SLC71A1: variants seen among roughly 807,000 people sequenced by gnomAD.
SLC71A1 encodes solute carrier family 71 member 1.
the SLC71A1 span, among the ~76,000 whole-genome samples, chr1:100,038,597 G>C: frequency 6.6e-6 from 1 of 151,998 alleles, no homozygotes; most frequent in African/African-American, 2.4e-5. Flanking sequence ...CGAACCCCAC[G>C]TGCGCCTCCG....
the SLC71A1 span, chr1:100,059,934 C>T: frequency 6.2e-7 from 1 of 1,613,038 alleles, no homozygotes; most frequent in Non-Finnish European, 8.5e-7. Context: ...ATGTTTGGGG[C>T]CGAAAATCCT....
the SLC71A1 span, among the ~76,000 whole-genome samples, chr1:100,066,911 C>A: frequency 2.0e-5 from 3 of 151,386 alleles, no homozygotes; most frequent in Non-Finnish European, 4.4e-5. Context: ...ATGGCGTAAA[C>A]CCCGGGGGCG....
the SLC71A1 span, among the ~76,000 whole-genome samples, chr1:100,052,768 C>CTT: frequency 4.8e-5 from 7 of 144,996 alleles, no homozygotes; most frequent in African/African-American, 1.3e-4. Context: ...TTTTCTTTTT[C>CTT]TTTTTTTTTT....
At chr1:100,057,937 TA>T in the SLC71A1 span, 2 of 152,224 alleles carry the variant, frequency 1.3e-5, no homozygotes, top group African/African-American at 2.4e-5. Flanking sequence ...GCCTCATATG[TA>T]AAGTGATAAT....
At chr1:100,038,998 A>G in the SLC71A1 span, among the ~76,000 whole-genome samples, 1 of 152,252 alleles carries the variant, frequency 6.6e-6, no homozygotes, top group East Asian at 1.9e-4. Flanking sequence ...GATCAAAAGT[A>G]TTAGAATCAG....
At chr1:100,058,441 G>A in the SLC71A1 span, among the ~76,000 whole-genome samples, 94 of 152,126 alleles carry the variant, frequency 6.2e-4, 1 homozygote, top group East Asian at 0.017. Context: ...CTGTTATGAG[G>A]GATTAAATGA....
the SLC71A1 span, among the ~76,000 whole-genome samples, chr1:100,052,742 T>C: frequency 1.3e-5 from 2 of 151,562 alleles, no homozygotes; most frequent in Non-Finnish European, 2.9e-5. Context: ...TATATTCTTA[T>C]TATCTTTAAT....
chr1:100,052,012 A>G, the SLC71A1 span, among the ~76,000 whole-genome samples: 2 of 152,186 alleles, frequency 1.3e-5, no homozygotes, highest in African/African-American at 4.8e-5. Flanking sequence ...AGTAAGCTGC[A>G]GTGTTGGTAT....
the SLC71A1 span, chr1:100,059,791 A>G: frequency 8.0e-7 from 1 of 1,244,116 alleles, no homozygotes; most frequent in Non-Finnish European, 1.1e-6. Context: ...AAAGTTGTTG[A>G]AAATTTTTCT....
At chr1:100,082,001 A>G in the SLC71A1 span, 1 of 1,609,114 alleles carries the variant, frequency 6.2e-7, no homozygotes, top group South Asian at 1.1e-5. Context: ...ATTCTTCCTC[A>G]GAATTCCATC....
At chr1:100,043,719 T>TC in the SLC71A1 span, among the ~76,000 whole-genome samples, 3 of 152,016 alleles carry the variant, frequency 2.0e-5, no homozygotes, top group Non-Finnish European at 4.4e-5. Flanking sequence ...CTCTCAAGCT[T>TC]CCCCCCCATC....
the SLC71A1 span, chr1:100,058,782 C>T: frequency 3.3e-6 from 3 of 895,532 alleles, no homozygotes; most frequent in African/African-American, 5.0e-5. Flanking sequence ...CACATACACG[C>T]ACACGGATGA....
At chr1:100,050,630 G>C in the SLC71A1 span, among the ~76,000 whole-genome samples, 1 of 152,144 alleles carries the variant, frequency 6.6e-6, no homozygotes, top group African/African-American at 2.4e-5. Context: ...CCAAATCCTA[G>C]AGGAATAGAG....
chr1:100,070,886 C>T, the SLC71A1 span, among the ~76,000 whole-genome samples: 5 of 152,154 alleles, frequency 3.3e-5, no homozygotes, highest in South Asian at 2.1e-4. Context: ...CACCATTTCT[C>T]GAGTAGGATT....
chr1:100,042,657 G>T, the SLC71A1 span, among the ~76,000 whole-genome samples: 1 of 151,716 alleles, frequency 6.6e-6, no homozygotes, highest in Non-Finnish European at 1.5e-5. Flanking sequence ...GCTCAGGCTG[G>T]GGTGCAATGG....
chr1:100,064,928 C>G, the SLC71A1 span, among the ~76,000 whole-genome samples: 34 of 152,172 alleles, frequency 2.2e-4, no homozygotes, highest in South Asian at 2.1e-4. Context: ...CTCTATTGCC[C>G]AGGCTGGAGT....
the SLC71A1 span, among the ~76,000 whole-genome samples, chr1:100,040,021 A>G: frequency 6.6e-6 from 1 of 152,204 alleles, no homozygotes; most frequent in African/African-American, 2.4e-5. Flanking sequence ...TGCACCAGCA[A>G]TAGGTTTCAC....
chr1:100,051,691 G>A, the SLC71A1 span, among the ~76,000 whole-genome samples: 7 of 152,140 alleles, frequency 4.6e-5, no homozygotes, highest in South Asian at 2.1e-4. Flanking sequence ...TTCCTAATGC[G>A]CCAGCGTGCT....
the SLC71A1 span, among the ~76,000 whole-genome samples, chr1:100,045,647 T>A: frequency 0.01 from 1,594 of 152,322 alleles, 15 homozygotes; most frequent in Middle Eastern, 0.058. Flanking sequence ...TACTGGGGTA[T>A]CCATTACCTC....
Sources: gnomAD v4.1 joint callset for allele counts (sites outside exome capture counted in the v4.1 genomes callset) on GRCh38, gnomAD v4.1.1 for gene constraint, MANE v1.5 for transcripts, NCBI Gene and HGNC (gene_info 2026-07-23, HGNC 2026-07-21) for gene names.